The following DTWD1 variants were observed in gnomAD, a reference collection of about 807,000 sequenced individuals.
The protein encoded by DTWD1 is tRNA-uridine aminocarboxypropyltransferase 1.
Under a neutral mutation model 30.2 loss-of-function variants are expected in DTWD1, and 27 were observed. The ratio of observed to expected loss-of-function variants is 0.90; its 90% CI spans 0.66 to 1.23. The LOEUF is 1.23. Among genes scored for constraint, DTWD1 ranks in the 50% most tolerant of loss-of-function variants. The pLI is 0.00. For synonymous variants in DTWD1, 99 were observed against 113.1 expected (o/e 0.88, Z 0.79); for missense variants, 342 against 348.8 (o/e 0.98, Z 0.15).
rs2079124862 is a variant in DTWD1, at chr15:49,647,118, T to C, written c.*3540T>C. On this transcript the variant is annotated 3_prime_UTR_variant, in exon 5 of 5. Coordinates refer to ENST00000403028, the MANE Select transcript of DTWD1 (RefSeq NM_001144955.2). ...GATTCTCAAAGTACTCATGACTTCA[T>C]TTGTAGAAACATGTATATCTTAAGC... is the stretch of plus-strand genomic sequence containing the variant. 6.6e-6 allele frequency: 1 copy of C among 152,206 alleles called. No individual in the cohort carries two copies. Among genetic ancestry groups the C allele is most frequent in the African/African-American group, 2.4e-5 (1 of 41,462 alleles). 9.4% of individuals were successfully genotyped at this position (152,206 alleles called of 1,614,324 possible).
intron 2 of DTWD1, chr15:49,626,939 ATTTTGAAGTATGGT>A (rs2078852181): frequency 3.9e-6 from 1 of 257,964 alleles, no homozygotes; most frequent in Non-Finnish European, 8.3e-6. Flanking sequence ...GGAATGTTAC[ATTTTGAAGTATGGT>A]TTTTGAAGTA....
At chr15:49,626,593 A>T (rs554345857) in intron 2 of DTWD1, 2 of 245,790 alleles carry the variant, frequency 8.1e-6, no homozygotes, top group African/African-American at 4.4e-5. Context: ...CTTTAGAGAG[A>T]CTAAATTCTA....
intron 4 of DTWD1, among the ~76,000 whole-genome samples, chr15:49,639,516 C>T (rs1470497865): frequency 2.0e-5 from 3 of 152,130 alleles, no homozygotes; most frequent in African/African-American, 4.8e-5. Context: ...GAGCTATGCT[C>T]ATGCCACTGA....
intron 2 of DTWD1, 62 bp from the exon 3 acceptor site, chr15:49,632,097 T>C: frequency 7.2e-7 from 1 of 1,390,086 alleles, no homozygotes; most frequent in South Asian, 1.5e-5. Flanking sequence ...AAAGACCCTT[T>C]TTATTAACAT....
intron 4 of DTWD1, among the ~76,000 whole-genome samples, chr15:49,636,220 A>T (rs1287290292): frequency 6.6e-6 from 1 of 151,898 alleles, no homozygotes; most frequent in Non-Finnish European, 1.5e-5. Flanking sequence ...CGTTGTATGG[A>T]TATGCTACAA....
At chr15:49,624,358 T>C (rs1273975123) in intron 1 of DTWD1, among the ~76,000 whole-genome samples, 1 of 152,228 alleles carries the variant, frequency 6.6e-6, no homozygotes, top group East Asian at 1.9e-4. Flanking sequence ...TTGAAAGATA[T>C]CTTCCTTACA....
chr15:49,630,994 G>A (rs1015422528), intron 2 of DTWD1: 7 of 446,128 alleles, frequency 1.6e-5, no homozygotes, highest in African/African-American at 1.2e-4. Context: ...TGTCTCCCAT[G>A]TCCTAGATGG....
rs115470222 is a variant in DTWD1 at position 49,621,373 on chromosome 15, A to G, written c.-56+251A>G. On this transcript the variant is annotated intron_variant, in intron 1 of 4. Transcript: ENST00000403028. ...AAAAAAAAAATTATTTTTCCTACCAATGATTTTCGGTGCATTCCGCCCCAA... is the reference window on the plus strand; with the variant it reads ...AAAAAAAAAATTATTTTTCCTACCAGTGATTTTCGGTGCATTCCGCCCCAA... 4.5e-3 allele frequency: 681 copies of G among 152,124 alleles called. 10 individuals are homozygous for G. Among genetic ancestry groups the G allele is most frequent in the African/African-American group, 0.016 (649 of 41,514 alleles). The allele number at this position is 152,124 out of a possible 1,614,324, so 9.4% of individuals were successfully genotyped here. A position where few individuals can be genotyped will look rare whatever the true frequency, so the allele number is the denominator to read the frequency against.
chr15:49,647,700 A>G lies in DTWD1; in HGVS notation c.*4122A>G, dbSNP rs1044393453. The stretch of plus-strand genomic sequence containing the variant: ...CAGCCAAAAATCACCACCCATACAT[A>G]AGAGCCAAACATCACTAGACACTTG... On this transcript the variant is annotated 3_prime_UTR_variant, in exon 5 of 5. Transcript: ENST00000403028. 2.0e-5 allele frequency: 3 copies of G among 152,116 alleles called. No homozygotes were observed. The highest frequency in any genetic ancestry group is 6.6e-5 in the Admixed American group (1 of 15,258). The allele number at this position is 152,116 out of a possible 1,614,324, so 9.4% of individuals were successfully genotyped here. A position where few individuals can be genotyped will look rare whatever the true frequency, so the allele number is the denominator to read the frequency against.
chr15:49,641,726 G>T (rs945720380), intron 4 of DTWD1, among the ~76,000 whole-genome samples: 1 of 150,446 alleles, frequency 6.6e-6, no homozygotes, highest in African/African-American at 2.5e-5. Context: ...CTGTTTTTTT[G>T]TTTGTTTGTT....
rs1426777023 is a variant in DTWD1 at position 49,654,635 on chromosome 15, CAG to C, written c.*11059_*11060del. On this transcript the variant is annotated 3_prime_UTR_variant, in exon 5 of 5. Coordinates refer to ENST00000403028, the MANE Select transcript of DTWD1 (RefSeq NM_001144955.2). ...CCTTAGTCAGTTTGGGCTAGTATAA[CAG>C]AAATATCATAGATTGAGTGACTTTT... 2 of 151,768 alleles carry C rather than the reference CAG, an allele frequency of 1.3e-5. No homozygotes were observed. The highest frequency in any genetic ancestry group is 4.8e-5 in the African/African-American group (2 of 41,320). The allele number at this position is 151,768 out of a possible 1,614,324, so 9.4% of individuals were successfully genotyped here.
intron 3 of DTWD1, among the ~76,000 whole-genome samples, chr15:49,633,284 A>G (rs1025932431): frequency 1.3e-5 from 2 of 152,000 alleles, no homozygotes; most frequent in African/African-American, 4.8e-5. Context: ...AGGGGGAAAT[A>G]TAGACATGTA....
At chr15:49,624,369 G>A (rs1041116265) in intron 1 of DTWD1, among the ~76,000 whole-genome samples, 3 of 152,154 alleles carry the variant, frequency 2.0e-5, no homozygotes, top group African/African-American at 4.8e-5. Context: ...CTTCCTTACA[G>A]GGTATACAGA....
At position 49,651,785 on chromosome 15, in the gene DTWD1, T is replaced by G. The variant is rs1337585305; in HGVS notation, c.*8207T>G. On this transcript the variant is annotated 3_prime_UTR_variant, in exon 5 of 5. Transcript: ENST00000403028. Reference sequence around the variant, plus strand: ...TTGACCAGCATGCGATCTCACATTATATCATATCAGATCCGGAAACCTATT... The same window carrying G: ...TTGACCAGCATGCGATCTCACATTAGATCATATCAGATCCGGAAACCTATT... 1.3e-5 allele frequency: 2 copies of G among 152,130 alleles called. No homozygotes were observed. Among genetic ancestry groups the G allele is most frequent in the Non-Finnish European group, 2.9e-5 (2 of 68,028 alleles). 9.4% of individuals were successfully genotyped at this position (152,130 alleles called of 1,614,324 possible).
Position 49,650,463 on chromosome 15 carries a change from A to C in DTWD1, c.*6885A>C, listed in dbSNP as rs2079146585. On this transcript the variant is annotated 3_prime_UTR_variant, in exon 5 of 5. Transcript: ENST00000403028. ...TGTGATCATGGGCGAGTGGTACAGA[A>C]TGACAAGATCCTGCATGTATTTTTA... The C allele has an allele frequency of 6.6e-6, 1 of 152,178 alleles. No individual in the cohort carries two copies. The highest frequency in any genetic ancestry group is 2.4e-5 in the African/African-American group (1 of 41,442). The allele number at this position is 152,178 out of a possible 1,614,324, so 9.4% of individuals were successfully genotyped here.
At chr15:49,636,768 T>A (rs1465794879) in intron 4 of DTWD1, among the ~76,000 whole-genome samples, 4 of 152,224 alleles carry the variant, frequency 2.6e-5, no homozygotes, top group Admixed American at 2.0e-4. Context: ...TGATAAATTG[T>A]ATGGCTAACC....
Position 49,654,679 on chromosome 15 carries a change from A to C in DTWD1, c.*11101A>C, listed in dbSNP as rs2079169334. The C allele has an allele frequency of 6.6e-6, 1 of 151,972 alleles. No individual in the cohort carries two copies. The highest frequency in any genetic ancestry group is 2.4e-5 in the African/African-American group (1 of 41,394). 9.4% of individuals were successfully genotyped at this position (151,972 alleles called of 1,614,324 possible). On this transcript the variant is annotated 3_prime_UTR_variant, in exon 5 of 5. Coordinates refer to ENST00000403028, the MANE Select transcript of DTWD1 (RefSeq NM_001144955.2). ...GTGACTTTTTTTCTTTAAAAAAATGAGATTGTGGAACCTGAAAATACAGTG... is the reference window on the plus strand; with the variant it reads ...GTGACTTTTTTTCTTTAAAAAAATGCGATTGTGGAACCTGAAAATACAGTG...
chr15:49,642,978 G>T (rs915905307), intron 4 of DTWD1, among the ~76,000 whole-genome samples: 3 of 152,040 alleles, frequency 2.0e-5, no homozygotes, highest in Non-Finnish European at 4.4e-5. Flanking sequence ...CTGAAAATTG[G>T]TGAATGCAGT....
In DTWD1 at chr15:49,625,349, G is replaced by A. The variant is rs1017040029; in HGVS notation, c.182G>A (p.Cys61Tyr). ...AGTGGGAGATCAAAATGTCTCAAAT[G>A]TGGTGGTTCCAGAATGTTCTACTGC... ...QQSGRSKCLK[C>Y]GGSRMFYCYT... The change falls in exon 2 of 5, where the codon TGT becomes TAT. Residue 61 changes from cysteine (C) to tyrosine (Y), a missense_variant. Physicochemically the swap from Cys to Tyr is radical, Grantham distance 194. Transcript: ENST00000403028. 6.8e-6 allele frequency: 11 copies of A among 1,613,540 alleles called. No homozygotes were observed. The Admixed American group carries it at 1.7e-4, about 24-fold the overall frequency.
Sources: gnomAD v4.1 joint callset for allele counts (sites outside exome capture counted in the v4.1 genomes callset) on GRCh38, gnomAD v4.1.1 for gene constraint, MANE v1.5 for transcripts, NCBI Gene and HGNC (gene_info 2026-07-23, HGNC 2026-07-21) for gene names.